Variants in FKBP11 observed in about 807,000 individuals in gnomAD.
The protein encoded by FKBP11 is FKBP prolyl isomerase 11.
A neutral mutation model predicts 24.7 loss-of-function variants in FKBP11; 21 were observed. The observed-to-expected ratio is 0.85, with a 90% confidence interval of 0.60 to 1.23. The LOEUF (loss-of-function observed/expected upper bound fraction) is 1.23, where lower values mean the gene tolerates loss of function less well. Ranked by LOEUF, FKBP11 falls within the 50% of genes most tolerant of loss-of-function variation. FKBP11 has a pLI of 0.00. For synonymous variants in FKBP11, 106 were observed against 100.6 expected (o/e 1.05, Z -0.32); for missense variants, 245 against 248.7 (o/e 0.99, Z 0.10).
the FKBP11 span, among the ~76,000 whole-genome samples, chr12:48,933,429 C>T: frequency 3.9e-5 from 6 of 152,272 alleles, no homozygotes; most frequent in East Asian, 1.9e-4. Context: ...CTGCCAGGCA[C>T]GGTGGCTCAT....
upstream of FKBP11, chr12:48,931,380 G>C: frequency 4.6e-6 from 7 of 1,531,012 alleles, no homozygotes; most frequent in Non-Finnish European, 6.1e-6. Context: ...AAATGGAAAG[G>C]GCAAAACTAT....
upstream of FKBP11, among the ~76,000 whole-genome samples, chr12:48,928,997 T>A (rs555525879): frequency 8.2e-6 from 1 of 122,380 alleles, no homozygotes; most frequent in East Asian, 2.9e-4. Context: ...TAACTTTTTG[T>A]ATTTTTTTTT....
upstream of FKBP11, among the ~76,000 whole-genome samples, chr12:48,928,665 G>T (rs1042789287): frequency 2.0e-5 from 3 of 151,874 alleles, no homozygotes; most frequent in Admixed American, 2.0e-4. Context: ...TTTTAGTAAA[G>T]ATGGGGTTTC....
chr12:48,923,427 GTGGCTGT>G, intron 5 of FKBP11: 1 of 1,523,856 alleles, frequency 6.6e-7, no homozygotes, highest in East Asian at 2.5e-5. Flanking sequence ...GGGGTGGGGG[GTGGCTGT>G]ACAGCTGACA....
chr12:48,935,125 G>A, the FKBP11 span, among the ~76,000 whole-genome samples: 14 of 152,128 alleles, frequency 9.2e-5, no homozygotes, highest in African/African-American at 3.1e-4. Flanking sequence ...CTGGAAGGAG[G>A]AAAGTGTCAT....
At chr12:48,935,134 A>G in the FKBP11 span, among the ~76,000 whole-genome samples, 1 of 151,980 alleles carries the variant, frequency 6.6e-6, no homozygotes, top group African/African-American at 2.4e-5. Flanking sequence ...GGAAAGTGTC[A>G]TCTGATCTTG....
At position 48,922,075 on chromosome 12, in the gene FKBP11, A is replaced by G. The variant is rs767146837; in HGVS notation, c.515T>C (p.Ile172Thr). Residue 172 changes from isoleucine (I) to threonine (T), a missense_variant, in exon 6 of 6, where the codon ATT becomes ACT. Coordinates refer to ENST00000550765, the MANE Select transcript of FKBP11 (RefSeq NM_016594.3). The part of the protein sequence containing the change: ...MAMVPALLGL[I>T]GYHLYRKANR... ...GGCCTTTCTGTATAGGTGATACCCA[A>G]TGAGGCCCAGGAGGGCTGGCACCAT... 16 of 1,614,068 alleles carry G rather than the reference A, an allele frequency of 9.9e-6. No homozygotes were observed. The highest frequency in any genetic ancestry group is 6.7e-5 in the Admixed American group (4 of 60,002).
At position 48,924,051 on chromosome 12, in the gene FKBP11, G is replaced by A. The variant is rs972146376; in HGVS notation, c.317+172C>T. The A allele has an allele frequency of 7.9e-5, 70 of 887,924 alleles. 1 individual carries two copies. In the African/African-American group the frequency reaches 9.4e-4, roughly 12 times the overall value. 55.0% of individuals were successfully genotyped at this position (887,924 alleles called of 1,614,324 possible). A position where few individuals can be genotyped will look rare whatever the true frequency, so the allele number is the denominator to read the frequency against. ...CAACTCCCCCGACAAAAGCAACAGC[G>A]CAAGAGGCACAGAGGCTTTGAATGC... is the stretch of plus-strand genomic sequence containing the variant. On this transcript the variant is annotated intron_variant, in intron 4 of 5. Coordinates refer to ENST00000550765, the MANE Select transcript of FKBP11 (RefSeq NM_016594.3).
At chr12:48,934,956 C>G in the FKBP11 span, among the ~76,000 whole-genome samples, 1 of 143,588 alleles carries the variant, frequency 7.0e-6, no homozygotes, top group Non-Finnish European at 1.5e-5. Context: ...GGAGGAGAGG[C>G]TGTGGTGAGC....
upstream of FKBP11, among the ~76,000 whole-genome samples, chr12:48,930,036 T>TA (rs1277483109): frequency 1.3e-5 from 2 of 152,246 alleles, no homozygotes; most frequent in African/African-American, 4.8e-5. Context: ...AAGAGCCAGC[T>TA]AACTGATGGC....
chr12:48,928,164 C>T (rs1940004621), upstream of FKBP11, among the ~76,000 whole-genome samples: 1 of 145,754 alleles, frequency 6.9e-6, no homozygotes, highest in East Asian at 2.1e-4. Flanking sequence ...CCTGCCTCAG[C>T]CTCCCAAGTA....
At chr12:48,926,654 CA>C (rs1322224372), upstream of FKBP11, among the ~76,000 whole-genome samples, 1 of 149,408 alleles carries the variant, frequency 6.7e-6, no homozygotes, top group African/African-American at 2.5e-5. Context: ...CCACCATGCC[CA>C]GCTGATTTTG....
chr12:48,933,675 T>C, the FKBP11 span, among the ~76,000 whole-genome samples: 47,669 of 146,394 alleles, frequency 0.33, 8,705 homozygotes, highest in Admixed American at 0.47. Context: ...CACTCCAGCT[T>C]GGGCAAGAGT....
intron 5 of FKBP11, chr12:48,922,957 TG>T: frequency 1.1e-6 from 1 of 870,192 alleles, no homozygotes; most frequent in South Asian, 2.0e-5. Context: ...GAGACCAGCC[TG>T]GCCAACATGG....
chr12:48,932,168 A>T, the FKBP11 span, among the ~76,000 whole-genome samples: 16 of 124,010 alleles, frequency 1.3e-4, no homozygotes, highest in South Asian at 4.9e-4. Context: ...TAAAAGTAAA[A>T]ATATATATAT....
chr12:48,924,633 C>T lies in FKBP11; in HGVS notation c.211G>A (p.Gly71Arg). ...HIHYTGSLVDGRIIDTSLTRD... is the reference protein window; with the variant it reads ...HIHYTGSLVDRRIIDTSLTRD... Reference sequence around the variant, plus strand: ...GTCAGGGAGGTGTCAATAATACGTCCATCTACCAAGCTTCCCTGGGGGGAG... The same window carrying T: ...GTCAGGGAGGTGTCAATAATACGTCTATCTACCAAGCTTCCCTGGGGGGAG... The change falls in exon 3 of 6, where the codon GGA becomes AGA. Residue 71 changes from glycine (G) to arginine (R), a missense_variant. Coordinates refer to ENST00000550765, the MANE Select transcript of FKBP11 (RefSeq NM_016594.3). The T allele has an allele frequency of 6.2e-7, 1 of 1,614,010 alleles. No homozygotes were observed. The highest frequency in any genetic ancestry group is 8.5e-7 in the Non-Finnish European group (1 of 1,179,970).
At chr12:48,923,148 CAA>C (rs762759183) in intron 5 of FKBP11, 863 of 847,786 alleles carry the variant, frequency 1.0e-3, no homozygotes, top group South Asian at 6.0e-3. Flanking sequence ...AACTCCATCT[CAA>C]AAAAAAAAAA....
At chr12:48,922,266 A>G in intron 5 of FKBP11, 65 bp from the exon 6 acceptor site, 2 of 1,476,782 alleles carry the variant, frequency 1.4e-6, no homozygotes, top group Non-Finnish European at 1.9e-6. Flanking sequence ...CAGAATCTGA[A>G]TGAAAATAGG....
At chr12:48,938,684 C>T in the FKBP11 span, 2 of 481,334 alleles carry the variant, frequency 4.2e-6, no homozygotes, top group Non-Finnish European at 7.7e-6. Flanking sequence ...AGAGAGGGGC[C>T]ACCCCATGAA....
Sources: allele counts gnomAD v4.1 joint callset (sites outside exome capture counted in the v4.1 genomes callset), GRCh38; gene constraint gnomAD v4.1.1; transcripts MANE v1.5; gene names NCBI Gene and HGNC (gene_info 2026-07-23, HGNC 2026-07-21).